The following MTERF4 variants were observed in gnomAD, a reference collection of about 807,000 sequenced individuals.
MTERF4 encodes the protein mitochondrial transcription termination factor 4.
In MTERF4, 17 loss-of-function variants were observed where a neutral mutation model predicts 22.5. The observed-to-expected ratio is 0.75, with a 90% confidence interval of 0.52 to 1.13. The LOEUF (loss-of-function observed/expected upper bound fraction) is 1.13. Ranked by LOEUF, MTERF4 falls within the 50% of genes most tolerant of loss-of-function variation. The probability of loss-of-function intolerance (pLI) is 0.00; values close to 1 mark genes in which losing one functional copy is unlikely to be tolerated. For missense variants in MTERF4, 420 were observed against 466.8 expected (o/e 0.90, Z 0.92); for synonymous variants, 165 against 175.3 (o/e 0.94, Z 0.47).
At chr2:241,069,776 C>G, downstream of MTERF4, 2 of 939,402 alleles carry the variant, frequency 2.1e-6, no homozygotes, top group Non-Finnish European at 3.1e-6. This position sits in a 1 kb window ranked among gnomAD's most constrained non-coding sequence, Gnocchi z 4.9. Context: ...GCCCACACCC[C>G]GCCTCGGCAC....
intron 4 of MTERF4, among the ~76,000 whole-genome samples, chr2:241,082,027 C>T (rs1221843038): frequency 6.6e-6 from 1 of 152,232 alleles, no homozygotes; most frequent in Non-Finnish European, 1.5e-5. Context: ...GCATGCGAGG[C>T]ACAGCTTCGG....
the MTERF4 span, chr2:241,064,107 G>A: frequency 3.2e-6 from 5 of 1,563,462 alleles, no homozygotes; most frequent in South Asian, 3.5e-5. The surrounding 1 kb of genome is among the most constrained non-coding windows in gnomAD (Gnocchi z 7.0). Flanking sequence ...GAGCTTCTTC[G>A]GCTACCACTG....
downstream of MTERF4, chr2:241,093,615 G>A (rs1011125069): frequency 2.0e-5 from 3 of 151,592 alleles, no homozygotes; most frequent in Non-Finnish European, 4.4e-5. Flanking sequence ...ATATGCTCCA[G>A]TGTTAGCTTA....
chr2:241,082,844 C>T (rs934316123), downstream of MTERF4, among the ~76,000 whole-genome samples: 1 of 152,182 alleles, frequency 6.6e-6, no homozygotes, highest in African/African-American at 2.4e-5. Context: ...TCCTTTCTTG[C>T]TAACACTCTA....
intron 2 of MTERF4, among the ~76,000 whole-genome samples, chr2:241,097,849 T>C (rs1205355122): frequency 6.6e-6 from 1 of 152,180 alleles, no homozygotes; most frequent in Non-Finnish European, 1.5e-5. Flanking sequence ...CATTGAAGCA[T>C]TCACAACTAA....
At chr2:241,091,806 C>T (rs962564308), downstream of MTERF4, 3 of 152,678 alleles carry the variant, frequency 2.0e-5, no homozygotes, top group South Asian at 6.2e-4. This position sits in a 1 kb window ranked among gnomAD's most constrained non-coding sequence, Gnocchi z 4.1. Context: ...ATGGCCAGGC[C>T]TGTGCACACA....
At chr2:241,053,993 G>A in the MTERF4 span, among the ~76,000 whole-genome samples, 65 of 152,344 alleles carry the variant, frequency 4.3e-4, no homozygotes, top group Middle Eastern at 6.8e-3. Flanking sequence ...GTGGGTGACA[G>A]CACCCAGATT....
chr2:241,085,860 CTT>C (rs772995766), downstream of MTERF4, among the ~76,000 whole-genome samples: 28 of 79,156 alleles, frequency 3.5e-4, no homozygotes, highest in African/African-American at 1.1e-3. Flanking sequence ...TCTGCGGTTT[CTT>C]TTTTTTTTTT....
downstream of MTERF4, chr2:241,087,220 C>T (rs1186673004): frequency 3.3e-6 from 2 of 601,284 alleles, no homozygotes; most frequent in Non-Finnish European, 5.9e-6. Flanking sequence ...AATCACATGA[C>T]CTTTATGTTA....
At chr2:241,071,777 C>T, downstream of MTERF4, 1 of 1,579,006 alleles carries the variant, frequency 6.3e-7, no homozygotes, top group Non-Finnish European at 8.6e-7. Context: ...CTGTGGTGAC[C>T]CTCCCACCCT....
At chr2:241,071,474 C>T (rs973165642), downstream of MTERF4, 2 of 1,392,230 alleles carry the variant, frequency 1.4e-6, no homozygotes, top group African/African-American at 2.9e-5. Context: ...CTTCCCTTCT[C>T]CAAGCACGGC....
chr2:241,069,039 C>T (rs1008822863), downstream of MTERF4: 29 of 1,519,480 alleles, frequency 1.9e-5, no homozygotes, highest in Admixed American at 1.2e-4. The surrounding 1 kb of genome is among the most constrained non-coding windows in gnomAD (Gnocchi z 4.9). Context: ...TAGAGCAGCG[C>T]GGCCCCCGGC....
downstream of MTERF4, among the ~76,000 whole-genome samples, chr2:241,069,516 GGCTT>G (rs554269648): frequency 2.8e-3 from 423 of 152,302 alleles, 4 homozygotes; most frequent in African/African-American, 9.7e-3. This position sits in a 1 kb window ranked among gnomAD's most constrained non-coding sequence, Gnocchi z 4.9. Context: ...GAGGAACAGA[GGCTT>G]AAGCAGACCC....
the MTERF4 span, chr2:241,064,203 T>C: frequency 3.2e-6 from 3 of 945,076 alleles, no homozygotes; most frequent in Non-Finnish European, 4.6e-6. The surrounding 1 kb of genome is among the most constrained non-coding windows in gnomAD (Gnocchi z 7.0). Flanking sequence ...GCCCGCCCTC[T>C]GCCCGCCTGC....
intron 4 of MTERF4, among the ~76,000 whole-genome samples, chr2:241,076,854 G>T (rs1160925963): frequency 6.6e-6 from 1 of 152,234 alleles, no homozygotes; most frequent in Non-Finnish European, 1.5e-5. Context: ...CACTTTGGGA[G>T]GCCGAGGCGG....
chr2:241,059,459 C>A, the MTERF4 span, among the ~76,000 whole-genome samples: 1 of 152,128 alleles, frequency 6.6e-6, no homozygotes, highest in Non-Finnish European at 1.5e-5. Context: ...ACCTTGATAC[C>A]AAAACCAGAC....
At chr2:241,058,904 C>T in the MTERF4 span, among the ~76,000 whole-genome samples, 21 of 151,640 alleles carry the variant, frequency 1.4e-4, no homozygotes, top group Admixed American at 1.4e-3. Flanking sequence ...GAGCCAAGAT[C>T]GCACCACTGC....
At chr2:241,063,595 G>A in the MTERF4 span, 1 of 1,606,852 alleles carries the variant, frequency 6.2e-7, no homozygotes. Flanking sequence ...AGAGAGGGAT[G>A]AGTGCCGAGC....
chr2:241,098,557 CA>C (rs1049394351), intron 2 of MTERF4, among the ~76,000 whole-genome samples: 4 of 152,090 alleles, frequency 2.6e-5, no homozygotes, highest in African/African-American at 9.7e-5. Flanking sequence ...TTGTTGGGGG[CA>C]GGAGTGGGGG....
Sources: gnomAD v4.1 joint callset for allele counts (sites outside exome capture counted in the v4.1 genomes callset) on GRCh38, gnomAD v4.1.1 for gene constraint, Gnocchi (gnomAD v3.1) non-coding constraint, MANE v1.5 for transcripts, NCBI Gene and HGNC (gene_info 2026-07-23, HGNC 2026-07-21) for gene names.